FAM180A: variants seen among roughly 807,000 people sequenced by gnomAD.
FAM180A encodes family with sequence similarity 180 member A, also known as protein FAM180A.
In FAM180A, 14 loss-of-function variants were observed where a neutral mutation model predicts 15.3. The ratio of observed to expected loss-of-function variants is 0.92; its 90% confidence interval spans 0.61 to 1.43. The LOEUF is 1.43. Among genes scored for constraint, FAM180A ranks in the 40% most tolerant of loss-of-function variants. FAM180A has a pLI of 0.00. For missense variants in FAM180A, 200 were observed against 220.8 expected, an observed-to-expected ratio of 0.91 and a Z score of 0.60; for synonymous variants, 90 against 96.8, an observed-to-expected ratio of 0.93 and a Z score of 0.41.
chr7:135,737,008 G>A (rs1417990399), intron 2 of FAM180A, 91 bp downstream of exon 2: 7 of 991,758 alleles, frequency 7.1e-6, no homozygotes, highest in Non-Finnish European at 1.1e-5. Context: ...ATGGTCAGGG[G>A]CTGAGGGGTC....
chr7:135,733,754 C>A lies in FAM180A; in HGVS notation c.*221G>T. ...CATGGAGGCGTCTTGAATGACCATT[C>A]CAGCCCTTTCTTCCAGCCCAGGTCA... On this transcript the variant is annotated 3_prime_UTR_variant, in exon 3 of 4. Coordinates refer to ENST00000338588, the MANE Select transcript of FAM180A (RefSeq NM_205855.4). The A allele has an allele frequency of 7.3e-7, 1 of 1,365,514 alleles. No homozygotes were observed. The highest frequency in any genetic ancestry group is 2.7e-5 in the East Asian group (1 of 36,534). 84.6% of individuals were successfully genotyped at this position (1,365,514 alleles called of 1,614,324 possible).
intron 1 of FAM180A, among the ~76,000 whole-genome samples, 190 bp from the exon 2 acceptor site, chr7:135,737,389 C>T (rs546490935): frequency 4.0e-5 from 6 of 151,414 alleles, no homozygotes; most frequent in South Asian, 4.2e-4. Flanking sequence ...GAGTTCGAAA[C>T]CAGCCTGGCC....
intron 1 of FAM180A, among the ~76,000 whole-genome samples, chr7:135,745,382 G>A (rs1027888602): frequency 6.6e-6 from 1 of 152,112 alleles, no homozygotes; most frequent in Non-Finnish European, 1.5e-5. Flanking sequence ...TCCTTAATAG[G>A]TGCATAATTC....
chr7:135,745,469 CTGTGTGTG>C (rs142097069), intron 1 of FAM180A, among the ~76,000 whole-genome samples: 7 of 149,938 alleles, frequency 4.7e-5, no homozygotes, highest in Non-Finnish European at 1.5e-5. Flanking sequence ...CGTGGGCCAC[CTGTGTGTG>C]TGTGTGTGTG....
intron 2 of FAM180A, among the ~76,000 whole-genome samples, chr7:135,735,270 C>A (rs4732139): frequency 0.43 from 65,424 of 152,038 alleles, 14,159 homozygotes; most frequent in Middle Eastern, 0.57. Context: ...ACATCCTTGG[C>A]AAACAATATA....
intron 1 of FAM180A, among the ~76,000 whole-genome samples, chr7:135,743,650 T>C (rs10275492): frequency 0.025 from 3,850 of 152,290 alleles, 168 homozygotes; most frequent in African/African-American, 0.085. Context: ...TACAACCCTC[T>C]GGACTCTGTA....
intron 1 of FAM180A, 59 bp from the exon 2 acceptor site, chr7:135,737,258 T>G (rs1183260578): frequency 7.6e-7 from 1 of 1,317,052 alleles, no homozygotes; most frequent in Non-Finnish European, 1.0e-6. Flanking sequence ...CTTCTCCCTC[T>G]GATCCACCTT....
intron 3 of FAM180A, among the ~76,000 whole-genome samples, chr7:135,732,576 C>G (rs1312648179): frequency 1.3e-5 from 2 of 151,910 alleles, no homozygotes; most frequent in African/African-American, 4.8e-5. Context: ...GCCTATAGTC[C>G]CAGCTACTCG....
Position 135,748,512 on chromosome 7 carries a change from C to G in FAM180A, c.69G>C (p.Trp23Cys). Residue 23 changes from tryptophan (W) to cysteine (C), a missense_variant, in exon 1 of 4, where the codon TGG becomes TGC. Physicochemically the swap from Trp to Cys is radical, Grantham distance 215. Transcript: ENST00000338588. ...GAATAAAAAGCAACTCACCCCTGCT[C>G]CACCTGTGGCACATAGAAGCCTCAG... ...YNAEASMCHR[W>C]SRAVLFPAAH... is the part of the protein sequence containing the mutation. 6.2e-7 allele frequency: 1 copy of G among 1,613,608 alleles called. No individual in the cohort carries two copies. Among genetic ancestry groups the G allele is most frequent in the South Asian group, 1.1e-5 (1 of 91,070 alleles).
At chr7:135,736,077 CAGTGGCGT>C in intron 2 of FAM180A, among the ~76,000 whole-genome samples, 1 of 150,496 alleles carries the variant, frequency 6.6e-6, no homozygotes, top group East Asian at 2.0e-4. Flanking sequence ...GGCTGGAGTG[CAGTGGCGT>C]GATCTCGGCT....
At chr7:135,730,733 CT>C (rs1796768901) in intron 3 of FAM180A, among the ~76,000 whole-genome samples, 1 of 152,026 alleles carries the variant, frequency 6.6e-6, no homozygotes, top group African/African-American at 2.4e-5. Flanking sequence ...ATAGGAGACC[CT>C]GTTTGTCTGT....
In FAM180A at chr7:135,747,610, C is replaced by A. The variant is rs906641368; in HGVS notation, c.76+895G>T. Reference sequence around the variant, plus strand: ...CTGTCCTTGAGAAGCAAGCAGGAGGCGCATCCATGCCACCATGCCAGTTGC... The same window carrying A: ...CTGTCCTTGAGAAGCAAGCAGGAGGAGCATCCATGCCACCATGCCAGTTGC... On this transcript the variant is annotated intron_variant, in intron 1 of 3. Transcript: ENST00000338588. Among the ~76,000 whole-genome samples the A allele has an allele frequency of 5.3e-5, 8 of 152,204 alleles. No homozygotes were observed. The South Asian group carries it at 8.3e-4, about 16-fold the overall frequency.
intron 1 of FAM180A, among the ~76,000 whole-genome samples, chr7:135,739,056 T>C (rs1158256984): frequency 6.6e-6 from 1 of 152,128 alleles, no homozygotes; most frequent in African/African-American, 2.4e-5. Flanking sequence ...ATGCCTAAAA[T>C]CCCAGCACTT....
At chr7:135,736,144 T>C (rs1796867394) in intron 2 of FAM180A, among the ~76,000 whole-genome samples, 1 of 151,680 alleles carries the variant, frequency 6.6e-6, no homozygotes, top group African/African-American at 2.4e-5. Flanking sequence ...TGCCTCAGCC[T>C]CCTGAGTGGC....
At chr7:135,747,522 C>A (rs1327210063) in intron 1 of FAM180A, among the ~76,000 whole-genome samples, 1 of 152,078 alleles carries the variant, frequency 6.6e-6, no homozygotes, top group Non-Finnish European at 1.5e-5. Context: ...GCCTCCCTCC[C>A]ATTTCAGATC....
chr7:135,734,353 G>A (rs753863509), intron 2 of FAM180A, 34 bp from the exon 3 acceptor site: 2 of 1,550,464 alleles, frequency 1.3e-6, no homozygotes, highest in Admixed American at 3.7e-5. Flanking sequence ...AAAATATGAA[G>A]TGAGGCATTG....
intron 2 of FAM180A, among the ~76,000 whole-genome samples, chr7:135,735,664 C>T (rs1282831686): frequency 6.6e-6 from 1 of 152,168 alleles, no homozygotes; most frequent in Non-Finnish European, 1.5e-5. Context: ...GAAATCTCTC[C>T]CCCTGGCTTA....
At chr7:135,738,313 C>G (rs575448148) in intron 1 of FAM180A, among the ~76,000 whole-genome samples, 2 of 152,326 alleles carry the variant, frequency 1.3e-5, no homozygotes, top group South Asian at 4.1e-4. Context: ...CCTGCCTCAG[C>G]CTCTCAAGTA....
Position 135,748,511 on chromosome 7 carries a change from T to G in FAM180A, c.70A>C (p.Ser24Arg). 6 of 1,613,478 alleles carry G rather than the reference T, an allele frequency of 3.7e-6. No individual in the cohort carries two copies. Among genetic ancestry groups the G allele is most frequent in the Non-Finnish European group, 5.1e-6 (6 of 1,179,420 alleles). ...NAEASMCHRW[S>R]RAVLFPAAHR... ...TGAATAAAAAGCAACTCACCCCTGC[T>G]CCACCTGTGGCACATAGAAGCCTCA... Residue 24 changes from serine (S) to arginine (R), a missense_variant, in exon 1 of 4, where the codon AGC becomes CGC. Coordinates refer to ENST00000338588, the MANE Select transcript of FAM180A (RefSeq NM_205855.4).
Sources: gnomAD v4.1 joint callset for allele counts (sites outside exome capture counted in the v4.1 genomes callset) on GRCh38, gnomAD v4.1.1 for gene constraint, MANE v1.5 for transcripts, NCBI Gene and HGNC (gene_info 2026-07-23, HGNC 2026-07-21) for gene names.